SUPT3H: variants seen among roughly 807,000 people sequenced by gnomAD.
The protein encoded by SUPT3H is SPT3 homolog, SAGA and STAGA complex component.
A neutral mutation model predicts 44.3 loss-of-function variants in SUPT3H; 44 were observed. The observed-to-expected ratio is 0.99, with a 90% CI of 0.78 to 1.28. The LOEUF is 1.28. Among genes scored for constraint, SUPT3H ranks in the 50% most tolerant of loss-of-function variants. SUPT3H has a pLI of 0.00. For missense variants in SUPT3H, 380 were observed against 387.1 expected (o/e 0.98, Z 0.15); for synonymous variants, 124 against 125.6 (o/e 0.99, Z 0.09).
intron 6 of SUPT3H, among the ~76,000 whole-genome samples, chr6:44,964,667 T>C (rs1425234180): frequency 6.6e-6 from 1 of 152,136 alleles, no homozygotes; most frequent in Non-Finnish European, 1.5e-5. Flanking sequence ...TCCTAGTTCT[T>C]TTTTAATTCC....
chr6:44,912,348 C>T (rs1177479535), intron 10 of SUPT3H, among the ~76,000 whole-genome samples: 1 of 152,134 alleles, frequency 6.6e-6, no homozygotes, highest in Admixed American at 6.6e-5. Context: ...CCTTTTGTGT[C>T]TGGCTTATTT....
intron 6 of SUPT3H, among the ~76,000 whole-genome samples, chr6:44,966,256 A>G (rs1461300770): frequency 6.6e-6 from 1 of 152,244 alleles, no homozygotes; most frequent in East Asian, 1.9e-4. Context: ...CAAGGGGACA[A>G]TATCATAAGC....
chr6:45,013,178 G>C (rs1196935300), intron 5 of SUPT3H, among the ~76,000 whole-genome samples: 1 of 151,960 alleles, frequency 6.6e-6, no homozygotes, highest in African/African-American at 2.4e-5. Flanking sequence ...TTTAAGTTTT[G>C]CTCTGACTGC....
chr6:45,360,450 C>T (rs1349308876), intron 2 of SUPT3H, among the ~76,000 whole-genome samples: 1 of 152,098 alleles, frequency 6.6e-6, no homozygotes, highest in Non-Finnish European at 1.5e-5. Flanking sequence ...TCCTGAAAAA[C>T]TTAAATGAAC....
intron 2 of SUPT3H, among the ~76,000 whole-genome samples, chr6:45,259,833 A>T (rs1168874586): frequency 6.6e-6 from 1 of 152,166 alleles, no homozygotes; most frequent in Non-Finnish European, 1.5e-5. Context: ...GTTGGAAATG[A>T]CAGGTTCATT....
At chr6:45,218,407 A>T (rs1765437592) in intron 2 of SUPT3H, among the ~76,000 whole-genome samples, 2 of 152,200 alleles carry the variant, frequency 1.3e-5, no homozygotes, top group Non-Finnish European at 1.5e-5. Context: ...ATACATGGGG[A>T]TTTCAAAAGC....
chr6:44,929,133 T>G (rs1770129296), intron 10 of SUPT3H, among the ~76,000 whole-genome samples: 1 of 151,920 alleles, frequency 6.6e-6, no homozygotes, highest in African/African-American at 2.4e-5. Context: ...CTTCCCCAGC[T>G]AACATGGCTT....
At chr6:45,364,438 G>A (rs748477929) in intron 2 of SUPT3H, among the ~76,000 whole-genome samples, 3 of 152,092 alleles carry the variant, frequency 2.0e-5, no homozygotes, top group Non-Finnish European at 4.4e-5. Context: ...TCAACTACCT[G>A]TTAAGTCATG....
chr6:44,891,120 A>G (rs971074115), intron 10 of SUPT3H, among the ~76,000 whole-genome samples: 1 of 152,130 alleles, frequency 6.6e-6, no homozygotes, highest in Non-Finnish European at 1.5e-5. Flanking sequence ...CCAGAACTTA[A>G]AGTATAATAA....
At position 45,286,716 on chromosome 6, in the gene SUPT3H, A is replaced by G. The variant is rs567303044; in HGVS notation, c.101+78485T>C. On this transcript the variant is annotated intron_variant, in intron 2 of 10. Coordinates refer to ENST00000371459, the MANE Select transcript of SUPT3H (RefSeq NM_003599.4). ...TCAGGGATCTTGAACTGGAAATACC[A>G]TTTGACCCAGCCATCCCATTACTGG... Among the ~76,000 whole-genome samples, 9 of 152,310 alleles carry G rather than the reference A, an allele frequency of 5.9e-5. No homozygotes were observed. In the East Asian group the frequency reaches 1.7e-3, roughly 29 times the overall value.
chr6:45,166,992 C>T (rs1809995229), intron 2 of SUPT3H, among the ~76,000 whole-genome samples: 1 of 152,218 alleles, frequency 6.6e-6, no homozygotes, highest in Non-Finnish European at 1.5e-5. Context: ...ACATACACTA[C>T]ATGACCAAGC....
At chr6:44,986,497 A>G (rs1214063770) in intron 6 of SUPT3H, among the ~76,000 whole-genome samples, 2 of 152,164 alleles carry the variant, frequency 1.3e-5, no homozygotes, top group Non-Finnish European at 2.9e-5. Flanking sequence ...CACTTGGTAG[A>G]GGGAAATGTC....
At chr6:45,079,106 C>A (rs368258226) in intron 3 of SUPT3H, among the ~76,000 whole-genome samples, 2 of 152,026 alleles carry the variant, frequency 1.3e-5, no homozygotes, top group African/African-American at 4.8e-5. Flanking sequence ...GTAAGGAGAT[C>A]GAGACCATCT....
intron 2 of SUPT3H, among the ~76,000 whole-genome samples, chr6:45,236,165 T>C (rs1769078018): frequency 6.6e-6 from 1 of 152,190 alleles, no homozygotes. Context: ...ACACGCTATA[T>C]TTGTGCATAT....
At chr6:45,053,712 C>A (rs894543638) in intron 3 of SUPT3H, among the ~76,000 whole-genome samples, 19 of 124,174 alleles carry the variant, frequency 1.5e-4, no homozygotes, top group African/African-American at 6.1e-4. Flanking sequence ...TCCTGTCTAA[C>A]ACGGTGAAAC....
chr6:45,080,467 A>G (rs915292426), intron 3 of SUPT3H, among the ~76,000 whole-genome samples: 1 of 152,166 alleles, frequency 6.6e-6, no homozygotes, highest in Admixed American at 6.5e-5. Context: ...AAATCAATAT[A>G]TTGAAAAGAT....
chr6:45,255,464 CAGGCTGGA>C (rs1272733486), intron 2 of SUPT3H, among the ~76,000 whole-genome samples: 1 of 149,976 alleles, frequency 6.7e-6, no homozygotes, highest in Non-Finnish European at 1.5e-5. Flanking sequence ...CTCTCTCACC[CAGGCTGGA>C]ATGCGGTGGC....
rs148747802 is a variant in SUPT3H, at chr6:45,249,610, C to A, written c.101+115591G>T. Among the ~76,000 whole-genome samples the A allele has an allele frequency of 7.9e-5, 12 of 152,276 alleles. No homozygotes were observed. The South Asian group carries it at 1.7e-3, about 21-fold the overall frequency. On this transcript the variant is annotated intron_variant, in intron 2 of 10. Coordinates refer to ENST00000371459, the MANE Select transcript of SUPT3H (RefSeq NM_003599.4). ...ACAGAACTCTGACAAAGTTCGGGAC[C>A]TGAAGGCAGGGATCCACGGTGGCAC...
chr6:45,302,162 A>AAGT (rs1782230627), intron 2 of SUPT3H, among the ~76,000 whole-genome samples: 1 of 152,076 alleles, frequency 6.6e-6, no homozygotes, highest in Non-Finnish European at 1.5e-5. Context: ...TCACATGAGT[A>AAGT]AGTTTTTTAG....
Sources: gnomAD v4.1 joint callset for allele counts (sites outside exome capture counted in the v4.1 genomes callset) on GRCh38, gnomAD v4.1.1 for gene constraint, MANE v1.5 for transcripts, NCBI Gene and HGNC (gene_info 2026-07-23, HGNC 2026-07-21) for gene names.